LRP1B: variants seen among roughly 807,000 people sequenced by gnomAD.
The protein encoded by LRP1B is low-density lipoprotein receptor-related protein 1B.
In LRP1B, 217 loss-of-function variants were observed where a neutral mutation model predicts 556.6. The observed-to-expected ratio is 0.39, with a 90% CI of 0.35 to 0.44. LRP1B has a LOEUF of 0.44. LRP1B is among the 20% of genes least tolerant of loss of function. LRP1B has a pLI of 1.00. For missense variants in LRP1B, 5,053 were observed against 5,620.8 expected, an observed-to-expected ratio of 0.90 and a Z score of 3.23; for synonymous variants, 2,047 against 1,865.8, an observed-to-expected ratio of 1.10 and a Z score of -2.50.
intron 1 of LRP1B, among the ~76,000 whole-genome samples, chr2:141,890,378 G>GTATA (rs368894103): frequency 0.42 from 52,025 of 124,986 alleles, 11,161 homozygotes; most frequent in Admixed American, 0.5. Context: ...TATATAGTGT[G>GTATA]TATACATATA....
chr2:141,227,914 T>A (rs906110567), intron 6 of LRP1B, among the ~76,000 whole-genome samples: 1 of 152,130 alleles, frequency 6.6e-6, no homozygotes, highest in Non-Finnish European at 1.5e-5. Flanking sequence ...ATTGTACACA[T>A]GTCTCTTCAT....
chr2:141,255,029 T>C (rs1019964432), intron 3 of LRP1B, among the ~76,000 whole-genome samples: 1 of 152,266 alleles, frequency 6.6e-6, no homozygotes, highest in South Asian at 2.1e-4. Context: ...TACTAATCCA[T>C]GTGTAACCTT....
intron 3 of LRP1B, among the ~76,000 whole-genome samples, chr2:141,266,340 A>G (rs1247333594): frequency 6.6e-6 from 1 of 151,548 alleles, no homozygotes; most frequent in African/African-American, 2.4e-5. Flanking sequence ...AAAAAAAAAA[A>G]AAAGAATATG....
chr2:141,803,679 T>C (rs1696084215), intron 2 of LRP1B, among the ~76,000 whole-genome samples: 1 of 152,186 alleles, frequency 6.6e-6, no homozygotes, highest in Non-Finnish European at 1.5e-5. Context: ...CATACTTCTA[T>C]CTGTTTTATA....
At chr2:141,382,363 C>T (rs899529564) in intron 3 of LRP1B, among the ~76,000 whole-genome samples, 3 of 152,210 alleles carry the variant, frequency 2.0e-5, no homozygotes, top group East Asian at 3.8e-4. Flanking sequence ...ACTGAAAGGA[C>T]TCAGTCTCAG....
chr2:141,030,842 G>C (rs539641694), intron 11 of LRP1B, among the ~76,000 whole-genome samples: 2 of 152,126 alleles, frequency 1.3e-5, no homozygotes, highest in African/African-American at 4.8e-5. Flanking sequence ...AAAGAGAAAA[G>C]AGAATTGATA....
At chr2:141,553,449 C>T (rs903158969) in intron 2 of LRP1B, among the ~76,000 whole-genome samples, 7 of 151,238 alleles carry the variant, frequency 4.6e-5, no homozygotes, top group Non-Finnish European at 7.4e-5. Context: ...GAATAGTTAG[C>T]CACATGTGCA....
At chr2:140,791,022 G>A (rs1267679808) in intron 32 of LRP1B, among the ~76,000 whole-genome samples, 1 of 151,576 alleles carries the variant, frequency 6.6e-6, no homozygotes, top group Non-Finnish European at 1.5e-5. Context: ...TTGGGAGGCC[G>A]AGGAGGGTGG....
chr2:141,579,298 G>C (rs1343086801), intron 2 of LRP1B, among the ~76,000 whole-genome samples: 1 of 152,122 alleles, frequency 6.6e-6, no homozygotes, highest in Non-Finnish European at 1.5e-5. Flanking sequence ...AGAGACAGGT[G>C]CATTTATCAC....
At chr2:141,498,169 T>A (rs1466873870) in intron 2 of LRP1B, among the ~76,000 whole-genome samples, 1 of 152,008 alleles carries the variant, frequency 6.6e-6, no homozygotes, top group Non-Finnish European at 1.5e-5. Flanking sequence ...AATATAGGCA[T>A]GAAATTGTTT....
chr2:140,799,080 A>G (rs1040641518), intron 32 of LRP1B, among the ~76,000 whole-genome samples: 1 of 152,208 alleles, frequency 6.6e-6, no homozygotes, highest in Non-Finnish European at 1.5e-5. Context: ...ATAAACGCAT[A>G]TATATGATAA....
intron 83 of LRP1B, among the ~76,000 whole-genome samples, chr2:140,305,418 A>G (rs1166731602): frequency 2.6e-5 from 4 of 152,160 alleles, no homozygotes; most frequent in African/African-American, 9.7e-5. Flanking sequence ...CTTTGAAGCA[A>G]TTGTGAATGG....
At chr2:140,418,830 C>T (rs1685309790) in intron 66 of LRP1B, among the ~76,000 whole-genome samples, 1 of 152,018 alleles carries the variant, frequency 6.6e-6, no homozygotes, top group Admixed American at 6.6e-5. Context: ...CAAAACCATA[C>T]CCCTCCCTGG....
intron 1 of LRP1B, among the ~76,000 whole-genome samples, chr2:142,036,711 A>C (rs1162081268): frequency 1.3e-5 from 2 of 151,710 alleles, no homozygotes; most frequent in Non-Finnish European, 3.0e-5. Flanking sequence ...CCTGAGTTAA[A>C]TATAGAGCTT....
At chr2:142,112,227 T>C (rs1707019890) in intron 1 of LRP1B, among the ~76,000 whole-genome samples, 1 of 151,974 alleles carries the variant, frequency 6.6e-6, no homozygotes, top group Non-Finnish European at 1.5e-5. Flanking sequence ...ATATCAGTTA[T>C]AGAGGACAAA....
chr2:140,296,658 A>G (rs1192824342), intron 84 of LRP1B, among the ~76,000 whole-genome samples: 2 of 152,184 alleles, frequency 1.3e-5, no homozygotes, highest in East Asian at 1.9e-4. Context: ...AACACAGGCT[A>G]GAGGAATGAA....
chr2:140,560,379 G>C (rs930271429), intron 43 of LRP1B, among the ~76,000 whole-genome samples: 2 of 152,134 alleles, frequency 1.3e-5, no homozygotes, highest in Non-Finnish European at 2.9e-5. Context: ...AATTAATAAT[G>C]TATCAATGTC....
intron 1 of LRP1B, among the ~76,000 whole-genome samples, chr2:142,101,020 T>C (rs940224096): frequency 2.0e-5 from 3 of 151,968 alleles, no homozygotes; most frequent in South Asian, 2.1e-4. Flanking sequence ...CAGGTACAAT[T>C]ATTTTAAAAT....
intron 15 of LRP1B, among the ~76,000 whole-genome samples, chr2:141,001,519 TC>T (rs1015074009): frequency 2.1e-4 from 32 of 152,194 alleles, no homozygotes; most frequent in African/African-American, 7.7e-4. Flanking sequence ...CCACCCTGTG[TC>T]CAAGTGTTCT....
Sources: allele counts gnomAD v4.1 joint callset (sites outside exome capture counted in the v4.1 genomes callset), GRCh38; gene constraint gnomAD v4.1.1; transcripts MANE v1.5; gene names NCBI Gene and HGNC (gene_info 2026-07-23, HGNC 2026-07-21).